MAGI2: variants seen among roughly 807,000 people sequenced by gnomAD.
MAGI2 encodes the protein membrane-associated guanylate kinase, WW and PDZ domain-containing protein 2.
A neutral mutation model predicts 133.3 loss-of-function variants in MAGI2; 35 were observed. That is an observed-to-expected ratio of 0.26 (90% CI 0.20 to 0.35). The LOEUF is 0.35. MAGI2 is among the 10% of genes least tolerant of loss of function. The pLI is 1.00. For synonymous variants in MAGI2, 729 were observed against 710.6 expected, an observed-to-expected ratio of 1.03 and a Z score of -0.41; for missense variants, 1,636 against 1,863.4, an observed-to-expected ratio of 0.88 and a Z score of 2.25.
intron 6 of MAGI2, among the ~76,000 whole-genome samples, chr7:78,398,024 A>T (rs1202730394): frequency 6.6e-6 from 1 of 152,134 alleles, no homozygotes; most frequent in African/African-American, 2.4e-5. Context: ...TCAAAGAGGA[A>T]AAAAGGGAGG....
At chr7:78,241,649 A>G (rs754345754) in intron 10 of MAGI2, among the ~76,000 whole-genome samples, 9 of 152,132 alleles carry the variant, frequency 5.9e-5, no homozygotes, top group Non-Finnish European at 1.3e-4. Context: ...AAAAGATTTC[A>G]TGGCCAGGTG....
At chr7:78,665,563 T>G (rs1411652977) in intron 2 of MAGI2, among the ~76,000 whole-genome samples, 1 of 152,124 alleles carries the variant, frequency 6.6e-6, no homozygotes, top group Non-Finnish European at 1.5e-5. Context: ...GGACATATAT[T>G]AGAAGGTTGA....
chr7:79,440,084 A>G (rs1018248136), intron 1 of MAGI2, among the ~76,000 whole-genome samples: 1 of 151,920 alleles, frequency 6.6e-6, no homozygotes, highest in African/African-American at 2.4e-5. Context: ...CTCACTCAAT[A>G]TTAAGAGTGC....
intron 1 of MAGI2, among the ~76,000 whole-genome samples, chr7:79,449,177 A>G (rs1849062663): frequency 6.6e-6 from 1 of 152,098 alleles, no homozygotes. Flanking sequence ...ATCTGACTCT[A>G]TTATTCTAAG....
chr7:78,141,205 C>T (rs990334879), intron 16 of MAGI2, among the ~76,000 whole-genome samples: 2 of 152,144 alleles, frequency 1.3e-5, no homozygotes, highest in African/African-American at 4.8e-5. Flanking sequence ...GATGTGATGC[C>T]TTTAGCCCAG....
chr7:79,119,326 G>A (rs1315204091), intron 1 of MAGI2, among the ~76,000 whole-genome samples: 1 of 152,020 alleles, frequency 6.6e-6, no homozygotes, highest in East Asian at 1.9e-4. Context: ...GCAACGGTAT[G>A]AATCAAGTGT....
At chr7:78,070,722 AC>A (rs1814595712) in intron 21 of MAGI2, among the ~76,000 whole-genome samples, 1 of 149,976 alleles carries the variant, frequency 6.7e-6, no homozygotes, top group Non-Finnish European at 1.5e-5. Context: ...GCTCACTGAA[AC>A]CTCTGCCTCC....
At chr7:78,469,159 A>T (rs1428533982) in intron 6 of MAGI2, among the ~76,000 whole-genome samples, 1 of 152,192 alleles carries the variant, frequency 6.6e-6, no homozygotes. Flanking sequence ...TACTCTCTGT[A>T]AACTAAGCAC....
chr7:79,292,775 A>AAAAAAAT (rs1836604816), intron 1 of MAGI2, among the ~76,000 whole-genome samples: 1 of 107,224 alleles, frequency 9.3e-6, no homozygotes, highest in Non-Finnish European at 1.9e-5. Flanking sequence ...TTCTGCAAAA[A>AAAAAAAT]AAAAAAAAAA....
At chr7:79,336,213 T>C (rs1202054137) in intron 1 of MAGI2, among the ~76,000 whole-genome samples, 2 of 152,068 alleles carry the variant, frequency 1.3e-5, no homozygotes, top group Non-Finnish European at 2.9e-5. Context: ...CTATTCTGTA[T>C]CCATTTAGGA....
chr7:78,378,443 A>G (rs1376026374), intron 6 of MAGI2, among the ~76,000 whole-genome samples: 1 of 152,066 alleles, frequency 6.6e-6, no homozygotes, highest in Non-Finnish European at 1.5e-5. Context: ...ATTCCAAAAT[A>G]CATACCAGTA....
intron 1 of MAGI2, among the ~76,000 whole-genome samples, chr7:79,271,444 C>A (rs1045858452): frequency 1.1e-4 from 17 of 152,066 alleles, no homozygotes; most frequent in African/African-American, 4.1e-4. Flanking sequence ...CTGACACATA[C>A]TAAATAATTG....
intron 9 of MAGI2, among the ~76,000 whole-genome samples, chr7:78,293,386 T>A (rs2151048248): frequency 6.6e-6 from 1 of 152,234 alleles, no homozygotes; most frequent in East Asian, 1.9e-4. Flanking sequence ...CACAATGAGA[T>A]ACCATCTCAC....
chr7:78,459,306 A>G (rs1265385519), intron 6 of MAGI2, among the ~76,000 whole-genome samples: 1 of 152,204 alleles, frequency 6.6e-6, no homozygotes, highest in Admixed American at 6.5e-5. Context: ...TCTTGTCATT[A>G]TTACCTAGAT....
At chr7:78,381,416 A>G (rs981820578) in intron 6 of MAGI2, among the ~76,000 whole-genome samples, 1 of 152,114 alleles carries the variant, frequency 6.6e-6, no homozygotes, top group Non-Finnish European at 1.5e-5. Context: ...TCCAAGTATG[A>G]GGAAAGGTTT....
At chr7:79,397,463 A>T (rs572834891) in intron 1 of MAGI2, among the ~76,000 whole-genome samples, 1 of 152,002 alleles carries the variant, frequency 6.6e-6, no homozygotes, top group South Asian at 2.1e-4. Context: ...ATTTATGTAT[A>T]TTTCTGATTA....
chr7:79,237,414 A>G (rs189918370), intron 1 of MAGI2, among the ~76,000 whole-genome samples: 1 of 152,232 alleles, frequency 6.6e-6, no homozygotes, highest in Non-Finnish European at 1.5e-5. Context: ...AATGGCATGA[A>G]CCCGGGAGGT....
chr7:79,213,773 T>G (rs1429240048), intron 1 of MAGI2, among the ~76,000 whole-genome samples: 1 of 152,068 alleles, frequency 6.6e-6, no homozygotes, highest in Non-Finnish European at 1.5e-5. Context: ...TACCCAGCCC[T>G]TTTTTCTTTT....
At chr7:78,397,744 C>G (rs965250530) in intron 6 of MAGI2, among the ~76,000 whole-genome samples, 1 of 152,122 alleles carries the variant, frequency 6.6e-6, no homozygotes, top group Non-Finnish European at 1.5e-5. Flanking sequence ...TTTCGCTTCT[C>G]ACATGACTTC....
Sources: allele counts gnomAD v4.1 joint callset (sites outside exome capture counted in the v4.1 genomes callset), GRCh38; gene constraint gnomAD v4.1.1; transcripts MANE v1.5; gene names NCBI Gene and HGNC (gene_info 2026-07-23, HGNC 2026-07-21).